Variants in PNMA6E observed in about 807,000 individuals in gnomAD.
PNMA6E encodes PNMA family member 6E, also known as paraneoplastic antigen Ma6E.
For missense variants in PNMA6E, 78 were observed against 50.8 expected (o/e 1.53, Z -1.63); for synonymous variants, 43 against 17.1 (o/e 2.52, Z -3.74).
At chrX:153,410,249 C>A in the PNMA6E span, among the ~76,000 whole-genome samples, 8 of 111,705 alleles carry the variant, frequency 7.2e-5, no homozygotes, top group East Asian at 2.0e-3. Context: ...CTGGGTTGCT[C>A]TCATCTCCAC....
chrX:153,404,753 C>G (rs1779618848), upstream of PNMA6E, among the ~76,000 whole-genome samples: 1 of 111,953 alleles, frequency 8.9e-6, no homozygotes. Context: ...CATGGTGCTT[C>G]TCTGCTCCCA....
chrX:153,406,358 G>T (rs782130018), upstream of PNMA6E, among the ~76,000 whole-genome samples: 5 of 112,554 alleles, frequency 4.4e-5, no homozygotes, highest in Non-Finnish European at 9.4e-5. Flanking sequence ...GTGGGTAGTG[G>T]GTGTATCTGA....
At position 153,398,001 on chromosome X, in the gene PNMA6E, T is replaced by TGCAGCTCCTGCCTCACCC; in HGVS notation, c.831_848dup (p.Ala283_Ala288dup). On this transcript the variant is annotated inframe_insertion, in exon 2 of 2. Coordinates refer to ENST00000445091, the MANE Select transcript of PNMA6E (RefSeq NM_001367770.1). ...CTTCACCCACAGCTCCTGCCTCACC[T>TGCAGCTCCTGCCTCACCC]GCAGCTCCTGCCTCACCCACAGCTC... The TGCAGCTCCTGCCTCACCC allele has an allele frequency of 2.3e-6, 1 of 439,917 alleles. No homozygotes were observed. The highest frequency in any genetic ancestry group is 3.9e-6 in the Non-Finnish European group (1 of 254,939). 36.3% of individuals were successfully genotyped at this position (439,917 alleles called of 1,213,427 possible). A position where few individuals can be genotyped will look rare whatever the true frequency, so the allele number is the denominator to read the frequency against.
At chrX:153,412,116 T>C in the PNMA6E span, among the ~76,000 whole-genome samples, 1 of 112,675 alleles carries the variant, frequency 8.9e-6, no homozygotes, top group Non-Finnish European at 1.9e-5. Flanking sequence ...GGTCTCCAGA[T>C]CGGGGCAGGA....
chrX:153,409,340 C>A, the PNMA6E span, among the ~76,000 whole-genome samples: 31 of 112,962 alleles, frequency 2.7e-4, no homozygotes, highest in Middle Eastern at 9.2e-3. Context: ...GAGGCCCTGC[C>A]CCTGCCTAAA....
upstream of PNMA6E, among the ~76,000 whole-genome samples, chrX:153,401,627 C>G (rs782403580): frequency 8.9e-6 from 1 of 111,982 alleles, no homozygotes; most frequent in Admixed American, 9.4e-5. Flanking sequence ...CCACGAGGAT[C>G]GGCGGAGTAC....
Position 153,396,087 on chromosome X carries a change from C to T in PNMA6E, c.*819G>A. 8.2e-6 allele frequency: 1 copy of T among 122,615 alleles called. No homozygotes were observed. The allele number at this position is 122,615 out of a possible 1,213,427, so 10.1% of individuals were successfully genotyped here. ...GCCCCGGGTCCGGTTCTTCTTCCCG[C>T]AGTCAGGGTCACCATCGTGGTCACG... On this transcript the variant is annotated 3_prime_UTR_variant, in exon 2 of 2. Transcript: ENST00000445091.
chrX:153,400,771 G>A (rs367698621), intron 1 of PNMA6E, among the ~76,000 whole-genome samples: 3 of 98,938 alleles, frequency 3.0e-5, no homozygotes, highest in Admixed American at 1.1e-4. Flanking sequence ...CTTGGAGCCC[G>A]CCAGCCTGCT....
rs998716539 is a variant in PNMA6E, at chrX:153,400,980, G to A, written c.-72+264C>T. 7.3e-5 allele frequency among the ~76,000 whole-genome samples: 8 copies of A among 110,098 alleles called. No individual in the cohort carries two copies. The East Asian group carries it at 8.7e-4, about 12-fold the overall frequency. ...CCAGGGGTCCTCCTCTGGCCACCCC[G>A]CACTGAGGAACCCCTCCCCTCAGCC... On this transcript the variant is annotated intron_variant, in intron 1 of 1. Transcript: ENST00000445091.
At chrX:153,399,927 T>C (rs1556970983) in intron 1 of PNMA6E, among the ~76,000 whole-genome samples, 1 of 112,395 alleles carries the variant, frequency 8.9e-6, no homozygotes, top group Non-Finnish European at 1.9e-5. Flanking sequence ...GAATGTTTTG[T>C]GCAGTTTGAA....
rs1318347646 is a variant in PNMA6E, at chrX:153,397,385, G to A, written c.1465C>T (p.Arg489Trp). ...PGFLGLLRLI[R>W]EMEAWAAFPA... is the part of the protein sequence containing the mutation. ...AAGGCTGCCCATGCCTCCATCTCCCGGATGAGCCGGAGCAGCCCCAGGAAG... is the reference window on the plus strand; with the variant it reads ...AAGGCTGCCCATGCCTCCATCTCCCAGATGAGCCGGAGCAGCCCCAGGAAG... Residue 489 changes from arginine (R) to tryptophan (W), a missense_variant, in exon 2 of 2, where the codon CGG becomes TGG. Transcript: ENST00000445091. 3.0e-5 allele frequency: 9 copies of A among 297,164 alleles called. No individual in the cohort carries two copies. Among genetic ancestry groups the A allele is most frequent in the Admixed American group, 6.1e-5 (1 of 16,515 alleles). The allele number at this position is 297,164 out of a possible 1,213,427, so 24.5% of individuals were successfully genotyped here. A position where few individuals can be genotyped will look rare whatever the true frequency, so the allele number is the denominator to read the frequency against.
At chrX:153,411,886 C>T in the PNMA6E span, among the ~76,000 whole-genome samples, 1 of 25 alleles carries the variant, frequency 0.04, no homozygotes, top group East Asian at 0.25. Context: ...ACCAGGGGCG[C>T]CAGGGGAAGA....
Position 153,397,119 on chromosome X carries a change from G to T in PNMA6E, c.1731C>A (p.Val577=), listed in dbSNP as rs997570270. ...EGLGQARPIE[V]PWGSSPARMS... ...TCCGGGCTGGGGAGGAGCCCCAGGG[G>T]ACCTCTATGGGCCTTGCCTGACCTA... is the stretch of plus-strand genomic sequence containing the variant. The change falls in exon 2 of 2, where the codon GTC becomes GTA. Residue 577 remains valine (V), a synonymous_variant. Coordinates refer to ENST00000445091, the MANE Select transcript of PNMA6E (RefSeq NM_001367770.1). The T allele has an allele frequency of 1.3e-5, 4 of 297,962 alleles. No individual in the cohort carries two copies. The highest frequency in any genetic ancestry group is 4.7e-5 in the East Asian group (1 of 21,061). 24.6% of individuals were successfully genotyped at this position (297,962 alleles called of 1,213,427 possible).
the PNMA6E span, among the ~76,000 whole-genome samples, chrX:153,407,980 A>G: frequency 8.9e-6 from 1 of 112,366 alleles, no homozygotes; most frequent in Non-Finnish European, 1.9e-5. Flanking sequence ...AGCCAGAGCC[A>G]AGACTTGAGG....
chrX:153,399,308 G>T (rs1270470494), intron 1 of PNMA6E, among the ~76,000 whole-genome samples: 5 of 70,750 alleles, frequency 7.1e-5, no homozygotes, highest in Non-Finnish European at 1.5e-4. Context: ...TCTCTTGTGT[G>T]TTGTGTGTGT....
At chrX:153,399,470 T>C (rs2088834779) in intron 1 of PNMA6E, among the ~76,000 whole-genome samples, 1 of 111,112 alleles carries the variant, frequency 9.0e-6, no homozygotes, top group African/African-American at 3.3e-5. Context: ...CTCAGCCTCC[T>C]GAGTAGCTGG....
the PNMA6E span, among the ~76,000 whole-genome samples, chrX:153,408,116 G>A: frequency 1.8e-5 from 2 of 112,772 alleles, no homozygotes; most frequent in Admixed American, 1.9e-4. Flanking sequence ...GACTGGGAGA[G>A]TCAGTGAAGG....
Position 153,398,770 on chromosome X carries a change from G to C in PNMA6E, c.80C>G (p.Pro27Arg). Residue 27 changes from proline to arginine, a missense_variant, in exon 2 of 2, where the codon CCT becomes CGT. Coordinates refer to ENST00000445091, the MANE Select transcript of PNMA6E (RefSeq NM_001367770.1). ...GAACTCATGTTCCTTGCAGTCATCA[G>C]GGATACCCAGGATGAGCAGGGAGCG... ...AERSLLILGI[P>R]DDCKEHEFQE... 3.3e-6 allele frequency: 1 copy of C among 304,528 alleles called. No homozygotes were observed. Among genetic ancestry groups the C allele is most frequent in the Non-Finnish European group, 5.7e-6 (1 of 174,125 alleles). 25.1% of individuals were successfully genotyped at this position (304,528 alleles called of 1,213,427 possible). A position where few individuals can be genotyped will look rare whatever the true frequency, so the allele number is the denominator to read the frequency against.
In PNMA6E at chrX:153,398,742, C is replaced by G; in HGVS notation, c.108G>C (p.Gln36His). Residue 36 changes from glutamine (Q) to histidine (H), a missense_variant, in exon 2 of 2, where the codon CAG becomes CAC. Transcript: ENST00000445091. The part of the protein sequence containing the change: ...IPDDCKEHEF[Q>H]EAVRAALSPL... ...GCGACAGGGCAGCCCGCACGGCCTC[C>G]TGGAACTCATGTTCCTTGCAGTCAT... 3.2e-6 allele frequency: 1 copy of G among 307,924 alleles called. No individual in the cohort carries two copies. The highest frequency in any genetic ancestry group is 4.7e-5 in the East Asian group (1 of 21,413). The allele number at this position is 307,924 out of a possible 1,213,427, so 25.4% of individuals were successfully genotyped here. A position where few individuals can be genotyped will look rare whatever the true frequency, so the allele number is the denominator to read the frequency against.
Sources: allele counts gnomAD v4.1 joint callset (sites outside exome capture counted in the v4.1 genomes callset), GRCh38; gene constraint gnomAD v4.1.1; transcripts MANE v1.5; gene names NCBI Gene and HGNC (gene_info 2026-07-23, HGNC 2026-07-21).